Variants in ISG20 observed in about 807,000 individuals in gnomAD.
The protein encoded by ISG20 is interferon-stimulated gene 20 kDa protein.
ISG20 carries 8 observed loss-of-function variants against 11.1 expected under a neutral mutation model. That is an observed-to-expected ratio of 0.72 (90% confidence interval 0.42 to 1.30). The LOEUF is 1.30. ISG20 is among the 50% of genes most tolerant of loss of function. The probability of loss-of-function intolerance (pLI) is 0.01; values close to 1 mark genes in which losing one functional copy is unlikely to be tolerated. For missense variants in ISG20, 243 were observed against 250.2 expected, an observed-to-expected ratio of 0.97 and a Z score of 0.19; for synonymous variants, 110 against 101.7, an observed-to-expected ratio of 1.08 and a Z score of -0.49.
intron 3 of ISG20, among the ~76,000 whole-genome samples, chr15:88,653,628 C>T (rs553409045): frequency 6.6e-6 from 1 of 152,250 alleles, no homozygotes; most frequent in African/African-American, 2.4e-5. Context: ...TGTCCCTGGG[C>T]TCATTAAGCC....
intron 3 of ISG20, among the ~76,000 whole-genome samples, chr15:88,654,769 A>G (rs1024051584): frequency 1.3e-5 from 2 of 152,192 alleles, no homozygotes; most frequent in African/African-American, 2.4e-5. Flanking sequence ...AAGACATGGT[A>G]AATGGTCATC....
chr15:88,645,090 A>T (rs2058149053), intron 2 of ISG20, among the ~76,000 whole-genome samples: 1 of 152,196 alleles, frequency 6.6e-6, no homozygotes, highest in Non-Finnish European at 1.5e-5. Context: ...CAGACTGGGC[A>T]CTTGATAGCC....
chr15:88,650,391 G>A lies in ISG20; in HGVS notation c.229-1719G>A. The A allele has an allele frequency of 6.6e-7, 1 of 1,526,036 alleles. No individual in the cohort carries two copies. The highest frequency in any genetic ancestry group is 1.4e-5 in the African/African-American group (1 of 72,992). The allele number at this position is 1,526,036 out of a possible 1,614,324, so 94.5% of individuals were successfully genotyped here. Reference sequence around the variant, plus strand: ...GCCTGGGCTGCTGGAGGCCTGGAGTGGTCGTTCACTCTTCTGGCTCAGTGT... The same window carrying A: ...GCCTGGGCTGCTGGAGGCCTGGAGTAGTCGTTCACTCTTCTGGCTCAGTGT... On this transcript the variant is annotated intron_variant, in intron 2 of 3. Coordinates refer to ENST00000306072, the MANE Select transcript of ISG20 (RefSeq NM_002201.6). This position sits in a 1 kb window ranked among gnomAD's most constrained non-coding sequence, Gnocchi z 4.0.
chr15:88,637,756 T>C (rs539832512), upstream of ISG20, among the ~76,000 whole-genome samples: 400 of 152,302 alleles, frequency 2.6e-3, 1 homozygote, highest in Non-Finnish European at 4.9e-3. Context: ...ATGGGGATTG[T>C]AGAATCAAAC....
chr15:88,642,351 C>T (rs570921082), intron 2 of ISG20, among the ~76,000 whole-genome samples: 7 of 152,298 alleles, frequency 4.6e-5, no homozygotes, highest in Middle Eastern at 3.4e-3. Context: ...AAATAAATCA[C>T]GTTCTGAGGT....
At chr15:88,653,402 C>A (rs546039569) in intron 3 of ISG20, among the ~76,000 whole-genome samples, 1 of 152,024 alleles carries the variant, frequency 6.6e-6, no homozygotes, top group Non-Finnish European at 1.5e-5. Context: ...GCCTGAGGCT[C>A]GGGGAGGGGC....
rs756670414 is a variant in ISG20 at position 88,643,918 on chromosome 15, A to G, written c.228+4324A>G. ...AAAATCTGAAATTTGAAATGTTCCA[A>G]TGAGCATTTCCTTTGAGCGTCATGT... is the stretch of plus-strand genomic sequence containing the variant. On this transcript the variant is annotated intron_variant, in intron 2 of 3. Coordinates refer to ENST00000306072, the MANE Select transcript of ISG20 (RefSeq NM_002201.6). This position sits in a 1 kb window ranked among gnomAD's most constrained non-coding sequence, Gnocchi z 4.4. Among the ~76,000 whole-genome samples the G allele has an allele frequency of 3.9e-5, 6 of 152,208 alleles. No individual in the cohort carries two copies. The highest frequency in any genetic ancestry group is 7.3e-5 in the Non-Finnish European group (5 of 68,036).
rs1794305166 is a variant in ISG20, at chr15:88,655,763, A to G, written c.*232A>G. The G allele has an allele frequency of 4.9e-6, 2 of 406,654 alleles. No homozygotes were observed. Among genetic ancestry groups the G allele is most frequent in the Admixed American group, 4.5e-5 (1 of 22,284 alleles). The allele number at this position is 406,654 out of a possible 1,614,324, so 25.2% of individuals were successfully genotyped here. A position where few individuals can be genotyped will look rare whatever the true frequency, so the allele number is the denominator to read the frequency against. On this transcript the variant is annotated 3_prime_UTR_variant, in exon 4 of 4. Transcript: ENST00000306072. Reference sequence around the variant, plus strand: ...TCTTATGCTGGGGAGGTGGGCAAGTATCAATTTCCTTAATATCTTGAATCC... The same window carrying G: ...TCTTATGCTGGGGAGGTGGGCAAGTGTCAATTTCCTTAATATCTTGAATCC...
At chr15:88,645,334 A>G (rs1255580675) in intron 2 of ISG20, among the ~76,000 whole-genome samples, 2 of 152,134 alleles carry the variant, frequency 1.3e-5, no homozygotes, top group African/African-American at 4.8e-5. Flanking sequence ...CCTGGTTCAC[A>G]GCTGATGTTT....
intron 2 of ISG20, 42 bp from the exon 3 acceptor site, chr15:88,652,068 A>G: frequency 6.2e-7 from 1 of 1,612,770 alleles, no homozygotes; most frequent in Non-Finnish European, 8.5e-7. Context: ...CACCCAGAAG[A>G]TGCTGGGTCA....
At chr15:88,655,061 C>T (rs370528901) in intron 3 of ISG20, among the ~76,000 whole-genome samples, 2 of 152,254 alleles carry the variant, frequency 1.3e-5, no homozygotes, top group African/African-American at 2.4e-5. Context: ...AGCTGGAGTT[C>T]CTCACTCCCT....
At chr15:88,638,404 G>A (rs866869679), upstream of ISG20, among the ~76,000 whole-genome samples, 6 of 152,166 alleles carry the variant, frequency 3.9e-5, no homozygotes, top group Admixed American at 6.5e-5. Context: ...GGGCCTCCCC[G>A]AAGGCCTGCT....
intron 2 of ISG20, chr15:88,651,073 C>A: frequency 4.8e-6 from 2 of 412,754 alleles, no homozygotes; most frequent in Non-Finnish European, 6.5e-6. Context: ...GGTGGCCGGA[C>A]TTCTTATAGA....
At position 88,655,415 on chromosome 15, in the gene ISG20, A is replaced by G; in HGVS notation, c.430A>G (p.Asn144Asp). The change falls in exon 4 of 4, where the codon AAC becomes GAC. Residue 144 changes from asparagine to aspartate, a missense_variant and splice_region_variant. Coordinates refer to ENST00000306072, the MANE Select transcript of ISG20 (RefSeq NM_002201.6). ...SERLLHKSIQ[N>D]SLLGHSSVED... Reference sequence around the variant, plus strand: ...CCCCACTCTATACTTGTGTCTGCAGAACAGCCTGCTTGGACACAGCTCGGT... The same window carrying G: ...CCCCACTCTATACTTGTGTCTGCAGGACAGCCTGCTTGGACACAGCTCGGT... 10 of 1,613,972 alleles carry G rather than the reference A, an allele frequency of 6.2e-6. No homozygotes were observed. Among genetic ancestry groups the G allele is most frequent in the Non-Finnish European group, 6.8e-6 (8 of 1,179,896 alleles).
Position 88,639,533 on chromosome 15 carries a change from T to C in ISG20, c.167T>C (p.Val56Ala). The C allele has an allele frequency of 6.2e-7, 1 of 1,614,012 alleles. No homozygotes were observed. Among genetic ancestry groups the C allele is most frequent in the Non-Finnish European group, 8.5e-7 (1 of 1,180,008 alleles). ...GAGATCACCGATTACAGAACCCGGGTCAGCGGGGTCACCCCTCAGCACATG... is the reference window on the plus strand; with the variant it reads ...GAGATCACCGATTACAGAACCCGGGCCAGCGGGGTCACCCCTCAGCACATG... ...EGEITDYRTR[V>A]SGVTPQHMVG... Residue 56 changes from valine (V) to alanine (A), a missense_variant, in exon 2 of 4, where the codon GTC (valine) becomes GCC (alanine). By Grantham distance (64) the Val-to-Ala change is moderately conservative (BLOSUM62 0). Transcript: ENST00000306072. This position sits in a 1 kb window ranked among gnomAD's most constrained non-coding sequence, Gnocchi z 4.2.
Position 88,650,249 on chromosome 15 carries a change from C to G in ISG20, c.229-1861C>G. 3 of 1,535,716 alleles carry G rather than the reference C, an allele frequency of 2.0e-6. No homozygotes were observed. Among genetic ancestry groups the G allele is most frequent in the Non-Finnish European group, 2.6e-6 (3 of 1,146,894 alleles). On this transcript the variant is annotated intron_variant, in intron 2 of 3. Coordinates refer to ENST00000306072, the MANE Select transcript of ISG20 (RefSeq NM_002201.6). This position sits in a 1 kb window ranked among gnomAD's most constrained non-coding sequence, Gnocchi z 4.0. ...TCTATTTTCAGGTCCCCTTCCCATC[C>G]TCTCCAACGGCAGCTGAGTGAAAGC...
intron 3 of ISG20, 49 bp downstream of exon 3, chr15:88,652,359 CCCCTCCTCCTCA>C: frequency 9.1e-7 from 1 of 1,102,306 alleles, no homozygotes; most frequent in Non-Finnish European, 1.2e-6. Flanking sequence ...CCCCCTCCTC[CCCCTCCTCCTCA>C]CCCATCTCCA....
chr15:88,639,361 A>G lies in ISG20; in HGVS notation c.-6A>G, dbSNP rs377690718. 63 of 1,607,900 alleles carry G rather than the reference A, an allele frequency of 3.9e-5. No individual in the cohort carries two copies. In the Middle Eastern group the frequency reaches 5.0e-4, roughly 13 times the overall value. On this transcript the variant is annotated 5_prime_UTR_variant, in exon 2 of 4. Transcript: ENST00000306072. This position sits in a 1 kb window ranked among gnomAD's most constrained non-coding sequence, Gnocchi z 4.2. ...TCTCCAGCATCTCTGAGGGTCCCCA[A>G]GGAACATGGCTGGGAGCCGTGAGGT...
intron 2 of ISG20, among the ~76,000 whole-genome samples, chr15:88,640,414 T>A (rs2058060308): frequency 6.6e-6 from 1 of 152,176 alleles, no homozygotes; most frequent in Admixed American, 6.6e-5. Context: ...CCCTAAGCAC[T>A]GGCCATTCCT....
Sources: gnomAD v4.1 joint callset for allele counts (sites outside exome capture counted in the v4.1 genomes callset) on GRCh38, gnomAD v4.1.1 for gene constraint, Gnocchi (gnomAD v3.1) non-coding constraint, MANE v1.5 for transcripts, NCBI Gene and HGNC (gene_info 2026-07-23, HGNC 2026-07-21) for gene names.